Variants in SLC9A7 observed in about 807,000 individuals in gnomAD.
SLC9A7 encodes solute carrier family 9 member A7.
Under a neutral mutation model 52.6 loss-of-function variants are expected in SLC9A7, and 19 were observed. The observed-to-expected ratio is 0.36, with a 90% CI of 0.25 to 0.53. The LOEUF (loss-of-function observed/expected upper bound fraction) is 0.53. SLC9A7 is among the 20% of genes least tolerant of loss of function. The pLI is 0.91. For synonymous variants in SLC9A7, 226 were observed against 252.1 expected, an observed-to-expected ratio of 0.90 and a Z score of 0.98; for missense variants, 455 against 597.9, an observed-to-expected ratio of 0.76 and a Z score of 2.49.
intron 14 of SLC9A7, among the ~76,000 whole-genome samples, chrX:46,628,808 A>T (rs1248913110): frequency 8.9e-6 from 1 of 112,347 alleles, no homozygotes; most frequent in Non-Finnish European, 1.9e-5. Flanking sequence ...TTCAGGGGAA[A>T]CTGCAAGAAC....
At chrX:46,715,201 G>T (rs1569522350) in intron 1 of SLC9A7, among the ~76,000 whole-genome samples, 2 of 111,585 alleles carry the variant, frequency 1.8e-5, no homozygotes, top group African/African-American at 3.3e-5. Context: ...AATTTTTAAA[G>T]AATTTTTAAA....
chrX:46,715,224 AT>A (rs1222799768), intron 1 of SLC9A7, among the ~76,000 whole-genome samples: 1 of 112,097 alleles, frequency 8.9e-6, no homozygotes. Flanking sequence ...ATTTATTTAT[AT>A]CACAGATTAG....
Position 46,653,724 on chromosome X carries a change from C to G in SLC9A7, c.1042-10G>C, listed in dbSNP as rs781216966. On this transcript the variant is annotated splice_polypyrimidine_tract_variant and intron_variant, in intron 7 of 16. Coordinates refer to ENST00000616978, the MANE Select transcript of SLC9A7 (RefSeq NM_001257291.2). ...TGGTAAACTTAGTCACGTTGGCATT[C>G]TGTCAAGGACCCTGTCTCCAGGTAC... 1.0e-5 allele frequency: 12 copies of G among 1,176,514 alleles called. No individual in the cohort carries two copies. In the East Asian group the frequency reaches 3.3e-4, roughly 32 times the overall value.
chrX:46,640,006 T>C lies in SLC9A7; in HGVS notation c.1616+3230A>G, dbSNP rs746195355. Among the ~76,000 whole-genome samples the C allele has an allele frequency of 7.8e-4, 87 of 112,162 alleles. 3 individuals carry two copies. The South Asian group carries it at 0.031, about 40-fold the overall frequency. On this transcript the variant is annotated intron_variant, in intron 12 of 16. Coordinates refer to ENST00000616978, the MANE Select transcript of SLC9A7 (RefSeq NM_001257291.2). ...ATTGGAAGATTCAACATAATAAAGA[T>C]GTCAATCTCCCCAAAAATTAATGTA...
At chrX:46,727,994 G>GTAT (rs1294146931) in intron 1 of SLC9A7, among the ~76,000 whole-genome samples, 1 of 111,923 alleles carries the variant, frequency 8.9e-6, no homozygotes, top group African/African-American at 3.2e-5. Flanking sequence ...AATAAAAATT[G>GTAT]TATTAATCTC....
chrX:46,604,430 C>A lies in SLC9A7; in HGVS notation c.*2522G>T, dbSNP rs1295723991. 2.8e-5 allele frequency: 3 copies of A among 106,147 alleles called. No homozygotes were observed. Among genetic ancestry groups the A allele is most frequent in the African/African-American group, 1.1e-4 (3 of 27,855 alleles). 8.7% of individuals were successfully genotyped at this position (106,147 alleles called of 1,213,427 possible). On this transcript the variant is annotated 3_prime_UTR_variant, in exon 17 of 17. Transcript: ENST00000616978. The stretch of plus-strand genomic sequence containing the variant: ...AAAGAGGAGAATAAAAATCATTCAA[C>A]TGTATTTTTTTTTTTTTTTTGAGGC...
At chrX:46,723,350 G>C (rs958291324) in intron 1 of SLC9A7, among the ~76,000 whole-genome samples, 1 of 89,628 alleles carries the variant, frequency 1.1e-5, no homozygotes, top group Non-Finnish European at 2.3e-5. Context: ...AGAAAGAAAA[G>C]AAAAGAAAGC....
intron 1 of SLC9A7, among the ~76,000 whole-genome samples, chrX:46,712,198 A>G (rs1472409866): frequency 9.0e-6 from 1 of 111,561 alleles, no homozygotes; most frequent in Non-Finnish European, 1.9e-5. Flanking sequence ...TTGCATTTCT[A>G]TAAACAAATA....
At chrX:46,633,913 C>T (rs1943275893) in intron 13 of SLC9A7, among the ~76,000 whole-genome samples, 1 of 111,210 alleles carries the variant, frequency 9.0e-6, no homozygotes. Flanking sequence ...TTCAGGTGAT[C>T]TGCCCACCTC....
intron 1 of SLC9A7, among the ~76,000 whole-genome samples, chrX:46,711,910 A>ACG (rs2099564257): frequency 1.0e-5 from 1 of 100,015 alleles, no homozygotes; most frequent in Non-Finnish European, 1.9e-5. Flanking sequence ...ACACACACAC[A>ACG]CACACACACA....
chrX:46,667,422 C>T (rs1318750501), intron 5 of SLC9A7, among the ~76,000 whole-genome samples: 1 of 110,939 alleles, frequency 9.0e-6, no homozygotes, highest in Non-Finnish European at 1.9e-5. Context: ...CAGAACCACA[C>T]AACTGTCTAG....
intron 1 of SLC9A7, among the ~76,000 whole-genome samples, chrX:46,704,642 T>C (rs1944578604): frequency 8.9e-6 from 1 of 112,427 alleles, no homozygotes; most frequent in Non-Finnish European, 1.9e-5. Context: ...AACTATGTCA[T>C]TTTTAATAGG....
intron 14 of SLC9A7, among the ~76,000 whole-genome samples, chrX:46,626,224 A>T (rs997967449): frequency 8.9e-6 from 1 of 112,648 alleles, no homozygotes; most frequent in African/African-American, 3.2e-5. Context: ...ACAGACAACT[A>T]ATATGGAGCA....
intron 1 of SLC9A7, among the ~76,000 whole-genome samples, chrX:46,698,979 C>T (rs1454852233): frequency 9.0e-6 from 1 of 111,501 alleles, no homozygotes; most frequent in African/African-American, 3.3e-5. Context: ...GAGTCAATCG[C>T]TCTTCAAGAC....
intron 11 of SLC9A7, chrX:46,647,052 G>C: frequency 5.2e-5 from 17 of 324,107 alleles, no homozygotes; most frequent in South Asian, 5.2e-4. Context: ...AGGTCGGTCA[G>C]ACCACCAGAG....
chrX:46,646,689 A>G, intron 11 of SLC9A7: 1 of 281,198 alleles, frequency 3.6e-6, no homozygotes, highest in East Asian at 8.5e-5. Context: ...ATGTGCTTCA[A>G]GTTCTTGTCC....
chrX:46,622,121 CA>C (rs1445896133), intron 14 of SLC9A7, among the ~76,000 whole-genome samples: 1 of 111,930 alleles, frequency 8.9e-6, no homozygotes, highest in Non-Finnish European at 1.9e-5. Flanking sequence ...TTTCCAACAG[CA>C]AAGATTATTT....
At chrX:46,644,045 T>A (rs973467200) in intron 11 of SLC9A7, among the ~76,000 whole-genome samples, 1 of 112,511 alleles carries the variant, frequency 8.9e-6, no homozygotes, top group African/African-American at 3.2e-5. Context: ...AATACAGGTC[T>A]AATAATGAAA....
Position 46,633,336 on chromosome X carries a change from TAAAAAAAAAAAAAAAAAAAAAAAAA to T in SLC9A7, c.1677-1712_1677-1688del, listed in dbSNP as rs397836432. ...GAGCTGCTTCTCAGCTTGCTGCTGC[TAAAAAAAAAAAAAAAAAAAAAAAAA>T]AAAAAAAAAAAAAAAAAAAACAGAT... On this transcript the variant is annotated intron_variant, in intron 13 of 16. Coordinates refer to ENST00000616978, the MANE Select transcript of SLC9A7 (RefSeq NM_001257291.2). Among the ~76,000 whole-genome samples, 70 of 8,118 alleles carry T rather than the reference TAAAAAAAAAAAAAAAAAAAAAAAAA, an allele frequency of 8.6e-3. 1 individual carries two copies. Among genetic ancestry groups the T allele is most frequent in the Admixed American group, 0.019 (8 of 412 alleles). 7.0% of individuals were successfully genotyped at this position (8,118 alleles called of 115,157 possible).
Sources: allele counts gnomAD v4.1 joint callset (sites outside exome capture counted in the v4.1 genomes callset), GRCh38; gene constraint gnomAD v4.1.1; transcripts MANE v1.5; gene names NCBI Gene and HGNC (gene_info 2026-07-23, HGNC 2026-07-21).